The following SCN3A variants were observed in gnomAD, a reference collection of about 807,000 sequenced individuals.
SCN3A encodes sodium voltage-gated channel alpha subunit 3.
In SCN3A, 60 loss-of-function variants were observed where a neutral mutation model predicts 187.6. The observed-to-expected ratio is 0.32, with a 90% CI of 0.26 to 0.40. The LOEUF is 0.40. Among genes scored for constraint, SCN3A ranks in the 10% least tolerant of loss-of-function variants. The pLI, the probability that SCN3A is intolerant of heterozygous loss-of-function variation, is 1.00. For synonymous variants in SCN3A, 788 were observed against 829.2 expected, an observed-to-expected ratio of 0.95 and a Z score of 0.85; for missense variants, 1,601 against 2,428.2, an observed-to-expected ratio of 0.66 and a Z score of 7.16.
intron 15 of SCN3A, among the ~76,000 whole-genome samples, chr2:165,132,312 T>C (rs557625656): frequency 9.9e-5 from 15 of 152,202 alleles, no homozygotes; most frequent in South Asian, 2.1e-4. Context: ...AAAAAGAGCC[T>C]GCATCGCCCA....
At chr2:165,150,134 A>C (rs1051659942) in intron 11 of SCN3A, among the ~76,000 whole-genome samples, 1 of 152,226 alleles carries the variant, frequency 6.6e-6, no homozygotes, top group Non-Finnish European at 1.5e-5. Context: ...ATCACAATTT[A>C]AATGTCAAAC....
chr2:165,109,531 C>T (rs1275551060), intron 21 of SCN3A, among the ~76,000 whole-genome samples: 1 of 152,166 alleles, frequency 6.6e-6, no homozygotes, highest in East Asian at 1.9e-4. Context: ...CCCATTTGTT[C>T]ACGGTGAAAG....
At chr2:165,099,410 A>G (rs568080368) in intron 22 of SCN3A, among the ~76,000 whole-genome samples, 1 of 152,212 alleles carries the variant, frequency 6.6e-6, no homozygotes, top group Admixed American at 6.6e-5. Flanking sequence ...GCTCAATTAG[A>G]AAAAAAGATC....
intron 17 of SCN3A, among the ~76,000 whole-genome samples, chr2:165,128,602 T>C (rs553875907): frequency 6.6e-6 from 1 of 152,370 alleles, no homozygotes; most frequent in East Asian, 1.9e-4. Context: ...CAAATTCCTT[T>C]GGCCCAATGG....
chr2:165,187,611 C>T (rs1490206032), intron 1 of SCN3A, among the ~76,000 whole-genome samples: 2 of 152,180 alleles, frequency 1.3e-5, no homozygotes, highest in Non-Finnish European at 2.9e-5. Flanking sequence ...TCCAGATGAA[C>T]TCTCTCCTAA....
At chr2:165,163,202 G>T (rs987791649) in intron 7 of SCN3A, among the ~76,000 whole-genome samples, 3 of 148,742 alleles carry the variant, frequency 2.0e-5, no homozygotes, top group Non-Finnish European at 4.4e-5. Flanking sequence ...GAGGAGAAAA[G>T]AATTTTAAAA....
rs543962920 is a variant in SCN3A, at chr2:165,155,968, T to G, written c.1032-65A>C. On this transcript the variant is annotated intron_variant, in intron 9 of 27. Coordinates refer to ENST00000283254, the MANE Select transcript of SCN3A (RefSeq NM_006922.4). Reference sequence around the variant, plus strand: ...TTACAGCAATTTCAATTTATTTGACTTATAGGAATTTTCAAAACCCAAAGC... The same window carrying G: ...TTACAGCAATTTCAATTTATTTGACGTATAGGAATTTTCAAAACCCAAAGC... The G allele has an allele frequency of 4.1e-5, 66 of 1,600,498 alleles. No homozygotes were observed. In the African/African-American group the frequency reaches 7.4e-4, roughly 18 times the overall value.
intron 25 of SCN3A, among the ~76,000 whole-genome samples, chr2:165,095,162 T>C (rs1429922983): frequency 1.3e-5 from 2 of 152,030 alleles, no homozygotes; most frequent in African/African-American, 4.8e-5. Context: ...GACTATGTAG[T>C]AGGGAAATAC....
chr2:165,166,525 T>A lies in SCN3A; in HGVS notation c.474-2005A>T, dbSNP rs139150815. On this transcript the variant is annotated intron_variant, in intron 5 of 27. Coordinates refer to ENST00000283254, the MANE Select transcript of SCN3A (RefSeq NM_006922.4). ...AAATAAAATGCAGTATAAATAAAAT[T>A]AAATAAAATGCAGTCTATAGAAGTG... Among the ~76,000 whole-genome samples the A allele has an allele frequency of 1.0e-3, 154 of 152,266 alleles. 1 individual carries two copies. The highest frequency in any genetic ancestry group is 3.6e-3 in the African/African-American group (150 of 41,558).
chr2:165,202,038 G>C (rs1349719685), intron 1 of SCN3A, among the ~76,000 whole-genome samples: 1 of 151,832 alleles, frequency 6.6e-6, no homozygotes, highest in Non-Finnish European at 1.5e-5. Context: ...TTCAGCTCAG[G>C]GTTCAACCTT....
intron 18 of SCN3A, among the ~76,000 whole-genome samples, chr2:165,125,534 G>T (rs1454030341): frequency 1.3e-5 from 2 of 152,032 alleles, no homozygotes; most frequent in Non-Finnish European, 2.9e-5. Flanking sequence ...AGCTAGGATG[G>T]TCTCGATCTC....
Position 165,090,050 on chromosome 2 carries a change from TC to T in SCN3A, c.*99del. ...TGACTATGAGTATTTGTTAAAACAG[TC>T]AGTTTGGCATGGACCTCCTCTTGAA... is the stretch of plus-strand genomic sequence containing the variant. On this transcript the variant is annotated 3_prime_UTR_variant, in exon 28 of 28. Coordinates refer to ENST00000283254, the MANE Select transcript of SCN3A (RefSeq NM_006922.4). The surrounding 1 kb of genome is among the most constrained non-coding windows in gnomAD (Gnocchi z 4.0). 13 of 1,517,454 alleles carry T rather than the reference TC, an allele frequency of 8.6e-6. 1 individual carries two copies. In the South Asian group the frequency reaches 1.6e-4, roughly 19 times the overall value. The allele number at this position is 1,517,454 out of a possible 1,614,324, so 94.0% of individuals were successfully genotyped here. A position where few individuals can be genotyped will look rare whatever the true frequency, so the allele number is the denominator to read the frequency against.
chr2:165,090,302 C>T lies in SCN3A; in HGVS notation c.5851G>A (p.Gly1951Arg). Residue 1951 changes from glycine (G) to arginine (R), a missense_variant, in exon 28 of 28, where the codon GGG (glycine) becomes AGG (arginine). By Grantham distance (125) the Gly-to-Arg change is moderately radical. Coordinates refer to ENST00000283254, the MANE Select transcript of SCN3A (RefSeq NM_006922.4). The surrounding 1 kb of genome is among the most constrained non-coding windows in gnomAD (Gnocchi z 4.0). Reference protein sequence around the residue: ...KQDMIIDKLNGNSTPEKTDGS... With the variant: ...KQDMIIDKLNRNSTPEKTDGS... ...TCTGTTTTTTCTGGAGTGGAGTTCCCATTTAGTTTGTCAATAATCATGTCT... is the reference window on the plus strand; with the variant it reads ...TCTGTTTTTTCTGGAGTGGAGTTCCTATTTAGTTTGTCAATAATCATGTCT... The T allele has an allele frequency of 6.2e-7, 1 of 1,613,218 alleles. No individual in the cohort carries two copies. Among genetic ancestry groups the T allele is most frequent in the East Asian group, 2.2e-5 (1 of 44,860 alleles).
At chr2:165,124,118 A>T (rs1052570823) in intron 18 of SCN3A, among the ~76,000 whole-genome samples, 3 of 152,198 alleles carry the variant, frequency 2.0e-5, no homozygotes, top group Admixed American at 2.0e-4. Context: ...AAATCTATGT[A>T]TTCAAAATTT....
In SCN3A at chr2:165,090,953, C is replaced by G. The variant is rs577933870; in HGVS notation, c.5200G>C (p.Gly1734Arg). 1.2e-5 allele frequency: 19 copies of G among 1,614,020 alleles called. No homozygotes were observed. The Admixed American group carries it at 1.8e-4, about 16-fold the overall frequency. Residue 1734 changes from glycine (G) to arginine (R), a missense_variant, in exon 28 of 28, where the codon GGC (glycine) becomes CGC (arginine). Gly to Arg is a moderately radical substitution (Grantham distance 125). Around this residue, in one of 11 missense-constraint regions of SCN3A, gnomAD observed 320 missense variants for 623.2 expected, o/e 0.51. Transcript: ENST00000283254. This position sits in a 1 kb window ranked among gnomAD's most constrained non-coding sequence, Gnocchi z 4.0. Reference protein sequence around the residue: ...PDCDPDTIHPGSSVKGDCGNP... With the variant: ...PDCDPDTIHPRSSVKGDCGNP... ...CCACAGTCTCCCTTAACTGAGCTGC[C>G]AGGGTGAATTGTGTCAGGGTCACAG...
chr2:165,137,752 A>G, intron 15 of SCN3A, 127 bp downstream of exon 15: 1 of 769,376 alleles, frequency 1.3e-6, no homozygotes, highest in South Asian at 1.4e-5. Flanking sequence ...AATATTCCTT[A>G]GATATTTCTT....
chr2:165,121,567 A>G (rs1330421222), intron 18 of SCN3A, among the ~76,000 whole-genome samples: 1 of 152,206 alleles, frequency 6.6e-6, no homozygotes, highest in Non-Finnish European at 1.5e-5. Context: ...TCCATTGATA[A>G]TTTTATTTCT....
At chr2:165,153,727 G>A (rs1246622493) in intron 11 of SCN3A, among the ~76,000 whole-genome samples, 1 of 151,986 alleles carries the variant, frequency 6.6e-6, no homozygotes, top group Admixed American at 6.6e-5. Context: ...ACCAAATGTT[G>A]GCAAAAATAT....
At position 165,088,104 on chromosome 2, in the gene SCN3A, A is replaced by G. The variant is rs1029625652; in HGVS notation, c.*2046T>C. The G allele has an allele frequency of 2.0e-5, 3 of 152,546 alleles. No homozygotes were observed. The highest frequency in any genetic ancestry group is 1.5e-5 in the Non-Finnish European group (1 of 67,978). The allele number at this position is 152,546 out of a possible 1,614,324, so 9.4% of individuals were successfully genotyped here. ...TATTTTAAACTGCCAACAGCAAAAAACAAAAACAAAAAACCCCAGAGGCCA... is the reference window on the plus strand; with the variant it reads ...TATTTTAAACTGCCAACAGCAAAAAGCAAAAACAAAAAACCCCAGAGGCCA... On this transcript the variant is annotated 3_prime_UTR_variant, in exon 28 of 28. Transcript: ENST00000283254.
Sources: gnomAD v4.1 joint callset for allele counts (sites outside exome capture counted in the v4.1 genomes callset) on GRCh38, gnomAD v4.1.1 for gene constraint, gnomAD v4.1.1 regional missense constraint, Gnocchi (gnomAD v3.1) non-coding constraint, MANE v1.5 for transcripts, NCBI Gene and HGNC (gene_info 2026-07-23, HGNC 2026-07-21) for gene names.